PCSK5: variants seen among roughly 807,000 people sequenced by gnomAD.
PCSK5 encodes the protein prohormone convertase 5.
A neutral mutation model predicts 233.2 loss-of-function variants in PCSK5; 129 were observed. The ratio of observed to expected loss-of-function variants is 0.55; its 90% CI spans 0.48 to 0.64. The LOEUF is 0.64. Ranked by LOEUF, PCSK5 falls within the 30% of genes least tolerant of loss-of-function variation. PCSK5 has a pLI of 0.00. For synonymous variants in PCSK5, 825 were observed against 879.2 expected, an observed-to-expected ratio of 0.94 and a Z score of 1.09; for missense variants, 2,076 against 2,430.1, an observed-to-expected ratio of 0.85 and a Z score of 3.06.
intron 7 of PCSK5, among the ~76,000 whole-genome samples, chr9:76,092,024 C>T (rs555742575): frequency 6.6e-6 from 1 of 152,128 alleles, no homozygotes. Flanking sequence ...AATGCCATTG[C>T]TCCTTCTTAG....
At chr9:76,168,804 C>T (rs1397535332) in intron 12 of PCSK5, among the ~76,000 whole-genome samples, 3 of 152,130 alleles carry the variant, frequency 2.0e-5, no homozygotes, top group African/African-American at 4.8e-5. Flanking sequence ...TATAGCCACA[C>T]GCCATTACTT....
In PCSK5 at chr9:76,328,178, C is replaced by G; in HGVS notation, c.4509C>G (p.Phe1503Leu). The G allele has an allele frequency of 3.7e-6, 6 of 1,612,860 alleles. No individual in the cohort carries two copies. Among genetic ancestry groups the G allele is most frequent in the South Asian group, 1.1e-5 (1 of 91,082 alleles). ...PGCKPCHVKC[F>L]HCMGPAEDQC... The stretch of plus-strand genomic sequence containing the variant: ...GCAAGCCCTGCCATGTTAAGTGCTT[C>G]CACTGCATGGGGCCGGCGGAGGACC... The change falls in exon 33 of 38, where the codon TTC becomes TTG. Residue 1503 changes from phenylalanine (F) to leucine (L), a missense_variant. Coordinates refer to ENST00000674117, the MANE Select transcript of PCSK5 (RefSeq NM_001372043.1).
At chr9:75,916,671 T>C (rs1049021089) in intron 1 of PCSK5, among the ~76,000 whole-genome samples, 1 of 151,602 alleles carries the variant, frequency 6.6e-6, no homozygotes, top group Non-Finnish European at 1.5e-5. Flanking sequence ...GGAAGGCCAG[T>C]GGGTTGGTGC....
chr9:75,965,269 G>A (rs1587429280), intron 2 of PCSK5, among the ~76,000 whole-genome samples: 1 of 103,018 alleles, frequency 9.7e-6, no homozygotes, highest in African/African-American at 3.4e-5. Flanking sequence ...ATATGTGTGT[G>A]TGTGTGTGTG....
chr9:76,088,413 T>A (rs1290321565), intron 7 of PCSK5, among the ~76,000 whole-genome samples: 1 of 152,250 alleles, frequency 6.6e-6, no homozygotes, highest in African/African-American at 2.4e-5. Flanking sequence ...AATGAGCGTT[T>A]GCTTTAAAAT....
intron 35 of PCSK5, among the ~76,000 whole-genome samples, chr9:76,350,140 T>A (rs1564195676): frequency 6.6e-6 from 1 of 150,862 alleles, no homozygotes; most frequent in Admixed American, 6.6e-5. Context: ...GAAAGACAGA[T>A]CAACGGATTA....
intron 2 of PCSK5, among the ~76,000 whole-genome samples, chr9:75,949,206 T>C (rs1216764511): frequency 1.3e-5 from 2 of 151,734 alleles, no homozygotes; most frequent in Admixed American, 1.3e-4. Flanking sequence ...CTCAGCATCC[T>C]TTGTTATTAT....
chr9:76,325,588 T>C (rs1829335750), intron 32 of PCSK5, among the ~76,000 whole-genome samples: 1 of 152,184 alleles, frequency 6.6e-6, no homozygotes, highest in Non-Finnish European at 1.5e-5. Context: ...ACCCCACTAG[T>C]GAGGACAGAG....
intron 9 of PCSK5, 58 bp from the exon 10 acceptor site, chr9:76,134,051 C>A: frequency 9.1e-7 from 1 of 1,104,846 alleles, no homozygotes; most frequent in Non-Finnish European, 1.3e-6. Flanking sequence ...TTGTGACTCT[C>A]TGCTTCCCCC....
intron 7 of PCSK5, among the ~76,000 whole-genome samples, chr9:76,093,360 A>G (rs1831378490): frequency 6.6e-6 from 1 of 151,888 alleles, no homozygotes; most frequent in Non-Finnish European, 1.5e-5. Flanking sequence ...CTCCCGAAGG[A>G]CTAGGATTAC....
At chr9:76,124,501 C>T (rs1465875216) in intron 9 of PCSK5, among the ~76,000 whole-genome samples, 1 of 147,894 alleles carries the variant, frequency 6.8e-6, no homozygotes, top group African/African-American at 2.5e-5. Flanking sequence ...AATCCCAGCA[C>T]TTTGGGAGAC....
chr9:76,307,614 G>A (rs1327774773), intron 28 of PCSK5, among the ~76,000 whole-genome samples: 1 of 152,084 alleles, frequency 6.6e-6, no homozygotes, highest in Non-Finnish European at 1.5e-5. Flanking sequence ...CACTTCCAAT[G>A]TTTCCTTGGT....
chr9:75,946,117 G>C (rs1025745423), intron 2 of PCSK5, among the ~76,000 whole-genome samples: 2 of 152,158 alleles, frequency 1.3e-5, no homozygotes, highest in African/African-American at 2.4e-5. Flanking sequence ...ATACATGAAT[G>C]AATAAATGAC....
intron 20 of PCSK5, among the ~76,000 whole-genome samples, chr9:76,226,124 A>G (rs1825881689): frequency 6.6e-6 from 1 of 152,180 alleles, no homozygotes; most frequent in African/African-American, 2.4e-5. Flanking sequence ...GACATAGAGG[A>G]ACAGAGCCCG....
intron 2 of PCSK5, among the ~76,000 whole-genome samples, chr9:75,964,857 T>G (rs1240037221): frequency 1.3e-5 from 2 of 152,200 alleles, no homozygotes; most frequent in South Asian, 2.1e-4. Context: ...AAAACTTTGT[T>G]TTAAATAGCA....
At chr9:76,006,704 C>A (rs1428629353) in intron 3 of PCSK5, among the ~76,000 whole-genome samples, 1 of 152,138 alleles carries the variant, frequency 6.6e-6, no homozygotes, top group Non-Finnish European at 1.5e-5. Context: ...ACCATCAGTT[C>A]TTTTGCGAGT....
At chr9:76,035,360 G>A (rs188784096) in intron 5 of PCSK5, among the ~76,000 whole-genome samples, 103 of 152,308 alleles carry the variant, frequency 6.8e-4, no homozygotes, top group African/African-American at 2.4e-3. Context: ...TACCTGCAGT[G>A]TAAATATTCA....
chr9:76,068,119 T>C (rs1830352048), intron 6 of PCSK5, 76 bp downstream of exon 6: 1 of 1,015,174 alleles, frequency 9.9e-7, no homozygotes, highest in African/African-American at 1.6e-5. Context: ...AGAATCCTTT[T>C]TAAATGGAGG....
At chr9:76,148,008 T>C (rs572407623) in intron 10 of PCSK5, among the ~76,000 whole-genome samples, 8 of 152,222 alleles carry the variant, frequency 5.3e-5, no homozygotes, top group African/African-American at 1.9e-4. Context: ...TCCCTGCAAG[T>C]AGTCTGAATT....
Sources: allele counts gnomAD v4.1 joint callset (sites outside exome capture counted in the v4.1 genomes callset), GRCh38; gene constraint gnomAD v4.1.1; transcripts MANE v1.5; gene names NCBI Gene and HGNC (gene_info 2026-07-23, HGNC 2026-07-21).